Variants in NFIA observed in about 807,000 individuals in gnomAD.
The protein encoded by NFIA is nuclear factor 1 A-type.
Under a neutral mutation model 62.8 loss-of-function variants are expected in NFIA, and 8 were observed. That is an observed-to-expected ratio of 0.13 (90% CI 0.07 to 0.23). The LOEUF (loss-of-function observed/expected upper bound fraction) is 0.23, where lower values mean the gene tolerates loss of function less well. Among genes scored for constraint, NFIA ranks in the 10% least tolerant of loss-of-function variants. The pLI is 1.00. For synonymous variants in NFIA, 235 were observed against 238.1 expected (o/e 0.99, Z 0.12); for missense variants, 410 against 642.1 (o/e 0.64, Z 3.91).
chr1:61,320,188 T>C, intron 3 of NFIA, among the ~76,000 whole-genome samples: 1 of 152,132 alleles, frequency 6.6e-6, no homozygotes, highest in East Asian at 1.9e-4. Flanking sequence ...GTTCCTCCAT[T>C]GTGCTAACAC....
intron 2 of NFIA, among the ~76,000 whole-genome samples, chr1:61,126,466 A>ACACT (rs1553153100): frequency 7.3e-5 from 11 of 151,538 alleles, no homozygotes; most frequent in Non-Finnish European, 5.9e-5. Context: ...ACACACACAC[A>ACACT]CACACACACT....
intron 2 of NFIA, among the ~76,000 whole-genome samples, chr1:61,103,137 G>A (rs888692827): frequency 5.3e-5 from 8 of 152,270 alleles, no homozygotes; most frequent in African/African-American, 1.9e-4. Flanking sequence ...TGAACACAAC[G>A]AACCTTGAAA....
At chr1:61,158,331 A>T (rs963972401) in intron 2 of NFIA, among the ~76,000 whole-genome samples, 1 of 152,168 alleles carries the variant, frequency 6.6e-6, no homozygotes, top group Non-Finnish European at 1.5e-5. Context: ...CTACTCAGGT[A>T]TTATAAATGG....
At chr1:61,149,057 CTTTTTTT>C (rs3067418) in intron 2 of NFIA, among the ~76,000 whole-genome samples, 11 of 136,096 alleles carry the variant, frequency 8.1e-5, no homozygotes, top group African/African-American at 2.2e-4. Flanking sequence ...TTCTTTCTTT[CTTTTTTT>C]TTTTTTTTTT....
intron 2 of NFIA, among the ~76,000 whole-genome samples, chr1:61,196,028 A>T (rs1219091571): frequency 1.3e-5 from 2 of 152,176 alleles, no homozygotes; most frequent in Non-Finnish European, 2.9e-5. Context: ...TTGTTTGCAA[A>T]GTATATTTTA....
chr1:61,295,940 A>AT (rs1214992886), intron 3 of NFIA, among the ~76,000 whole-genome samples: 1 of 152,202 alleles, frequency 6.6e-6, no homozygotes, highest in Non-Finnish European at 1.5e-5. Flanking sequence ...CAGGTTGAAT[A>AT]TGGTAACAAA....
At chr1:61,162,865 G>A (rs917770118) in intron 2 of NFIA, among the ~76,000 whole-genome samples, 1 of 150,634 alleles carries the variant, frequency 6.6e-6, no homozygotes, top group Non-Finnish European at 1.5e-5. Flanking sequence ...GAAAATGGCT[G>A]AGGAAAAACA....
At chr1:61,228,682 G>A (rs1409562605) in intron 2 of NFIA, among the ~76,000 whole-genome samples, 2 of 149,614 alleles carry the variant, frequency 1.3e-5, no homozygotes, top group Non-Finnish European at 3.0e-5. Context: ...TGGGCTTTCT[G>A]TATTTTTTAA....
intron 9 of NFIA, among the ~76,000 whole-genome samples, chr1:61,420,644 C>G (rs769518818): frequency 1.3e-5 from 2 of 152,154 alleles, no homozygotes; most frequent in South Asian, 4.2e-4. Context: ...ATATAGTAAG[C>G]CTATTTTGAA....
chr1:61,173,552 C>T (rs185640365), intron 2 of NFIA, among the ~76,000 whole-genome samples: 1 of 152,118 alleles, frequency 6.6e-6, no homozygotes, highest in African/African-American at 2.4e-5. Flanking sequence ...CTATGCCCTG[C>T]TAATTTTTTT....
intron 2 of NFIA, among the ~76,000 whole-genome samples, chr1:61,242,248 A>G (rs1655392049): frequency 6.6e-6 from 1 of 152,132 alleles, no homozygotes; most frequent in Non-Finnish European, 1.5e-5. Flanking sequence ...AGGGATCTCC[A>G]GGCTACACAG....
intron 2 of NFIA, among the ~76,000 whole-genome samples, chr1:61,189,245 AGT>A (rs1487850390): frequency 6.6e-6 from 1 of 152,080 alleles, no homozygotes; most frequent in Non-Finnish European, 1.5e-5. Context: ...TGAAGATTAG[AGT>A]GTGGAGCTGG....
At position 61,309,035 on chromosome 1, in the gene NFIA, CTCA is replaced by C. The variant is rs1204805715; in HGVS notation, c.626-23473_626-23471del. Reference sequence around the variant, plus strand: ...TCTCAATCCGTTTTCCATTTGCACACTCATCAGAGTAGATAGAGACTAGTTGTT... The same window carrying C: ...TCTCAATCCGTTTTCCATTTGCACACTCAGAGTAGATAGAGACTAGTTGTT... On this transcript the variant is annotated intron_variant, in intron 3 of 10. Transcript: ENST00000403491. 3.3e-5 allele frequency among the ~76,000 whole-genome samples: 5 copies of C among 152,308 alleles called. No homozygotes were observed. The South Asian group carries it at 6.2e-4, about 19-fold the overall frequency.
intron 3 of NFIA, among the ~76,000 whole-genome samples, chr1:61,325,996 G>A (rs1432213593): frequency 1.3e-5 from 2 of 150,692 alleles, no homozygotes; most frequent in Non-Finnish European, 2.9e-5. Context: ...TGATTATAGT[G>A]CATTCACATA....
chr1:61,401,831 A>G (rs1374531529), intron 7 of NFIA, among the ~76,000 whole-genome samples: 2 of 152,168 alleles, frequency 1.3e-5, no homozygotes, highest in Admixed American at 6.5e-5. Flanking sequence ...TACCGAGTAC[A>G]AGTTTTTTGC....
intron 2 of NFIA, among the ~76,000 whole-genome samples, chr1:61,188,984 T>C (rs1342356090): frequency 1.3e-5 from 2 of 152,152 alleles, no homozygotes; most frequent in Non-Finnish European, 2.9e-5. Context: ...ACACATGATT[T>C]ATATAAAAAA....
intron 2 of NFIA, among the ~76,000 whole-genome samples, chr1:61,210,737 T>C (rs1557639122): frequency 6.6e-6 from 1 of 152,226 alleles, no homozygotes; most frequent in African/African-American, 2.4e-5. Context: ...GATTTCATTG[T>C]AATCCTACCT....
intron 2 of NFIA, among the ~76,000 whole-genome samples, chr1:61,190,596 G>T (rs1651548789): frequency 6.6e-6 from 1 of 152,210 alleles, no homozygotes; most frequent in Non-Finnish European, 1.5e-5. Flanking sequence ...CTCAGGGTTT[G>T]TTGCAAATGT....
chr1:61,380,519 A>T (rs544525006), intron 6 of NFIA, among the ~76,000 whole-genome samples: 7 of 152,346 alleles, frequency 4.6e-5, no homozygotes, highest in Admixed American at 3.9e-4. Context: ...CAAAAATAAA[A>T]GCCAACATTA....
Sources: gnomAD v4.1 joint callset for allele counts (sites outside exome capture counted in the v4.1 genomes callset) on GRCh38, gnomAD v4.1.1 for gene constraint, MANE v1.5 for transcripts, NCBI Gene and HGNC (gene_info 2026-07-23, HGNC 2026-07-21) for gene names.